The following ADARB2 variants were observed in gnomAD, a reference collection of about 807,000 sequenced individuals.
ADARB2 encodes inactive double-stranded RNA-specific editase B2.
A neutral mutation model predicts 62.2 loss-of-function variants in ADARB2; 25 were observed. That is an observed-to-expected ratio of 0.40 (90% CI 0.29 to 0.56). The LOEUF (loss-of-function observed/expected upper bound fraction) is 0.56, where lower values mean the gene tolerates loss of function less well. Ranked by LOEUF, ADARB2 falls within the 20% of genes least tolerant of loss-of-function variation. The pLI, the probability that ADARB2 is intolerant of heterozygous loss-of-function variation, is 0.43. For synonymous variants in ADARB2, 572 were observed against 500.8 expected, an observed-to-expected ratio of 1.14 and a Z score of -1.90; for missense variants, 1,071 against 1,077.4, an observed-to-expected ratio of 0.99 and a Z score of 0.08.
intron 1 of ADARB2, among the ~76,000 whole-genome samples, chr10:1,419,943 A>C (rs951239777): frequency 4.6e-5 from 7 of 152,214 alleles, no homozygotes; most frequent in Non-Finnish European, 7.3e-5. Flanking sequence ...TCCGAGTGTA[A>C]AATGTAGCAC....
intron 1 of ADARB2, among the ~76,000 whole-genome samples, chr10:1,450,201 C>A (rs891036865): frequency 1.3e-5 from 2 of 152,202 alleles, no homozygotes; most frequent in African/African-American, 4.8e-5. Flanking sequence ...CCCTGGTCCT[C>A]AGTTACAAGC....
At chr10:1,278,050 A>T (rs1589175323) in intron 3 of ADARB2, among the ~76,000 whole-genome samples, 1 of 151,286 alleles carries the variant, frequency 6.6e-6, no homozygotes, top group East Asian at 1.9e-4. Context: ...GCTCACTGCA[A>T]CCTCCGCCTC....
intron 1 of ADARB2, among the ~76,000 whole-genome samples, chr10:1,478,849 G>A (rs116371647): frequency 2.6e-5 from 4 of 151,498 alleles, no homozygotes; most frequent in Non-Finnish European, 5.9e-5. Flanking sequence ...AGGACCCTCC[G>A]ACAGGAGTGC....
In ADARB2 at chr10:1,265,623, C is replaced by G. The variant is rs1207216514; in HGVS notation, c.1192+5332G>C. 4.4e-3 allele frequency among the ~76,000 whole-genome samples: 400 copies of G among 90,264 alleles called. 1 individual carries two copies. The highest frequency in any genetic ancestry group is 6.0e-3 in the African/African-American group (119 of 19,714). 59.2% of individuals were successfully genotyped at this position (90,264 alleles called of 152,430 possible). A position where few individuals can be genotyped will look rare whatever the true frequency, so the allele number is the denominator to read the frequency against. On this transcript the variant is annotated intron_variant, in intron 4 of 9. Coordinates refer to ENST00000381312, the MANE Select transcript of ADARB2 (RefSeq NM_018702.4). ...AGACGGCCTGAGAGGGGGGCCCAGGCTCTCCCGGAAGACGGCCTGAGCCAG... is the reference window on the plus strand; with the variant it reads ...AGACGGCCTGAGAGGGGGGCCCAGGGTCTCCCGGAAGACGGCCTGAGCCAG...
chr10:1,417,609 C>G (rs1213218698), intron 1 of ADARB2, among the ~76,000 whole-genome samples: 1 of 152,228 alleles, frequency 6.6e-6, no homozygotes, highest in Non-Finnish European at 1.5e-5. Flanking sequence ...TTGCCTGACA[C>G]ATGGACAGGA....
chr10:1,651,512 C>T (rs531870470), intron 1 of ADARB2, among the ~76,000 whole-genome samples: 3 of 152,368 alleles, frequency 2.0e-5, no homozygotes, highest in South Asian at 4.1e-4. Flanking sequence ...TGCTTGTGCA[C>T]GCCTAGACAA....
intron 1 of ADARB2, among the ~76,000 whole-genome samples, chr10:1,640,423 G>T (rs531280827): frequency 2.0e-5 from 3 of 152,184 alleles, no homozygotes; most frequent in Non-Finnish European, 4.4e-5. Flanking sequence ...TTTAAAGCAG[G>T]TTAAAAGCAA....
At chr10:1,318,071 G>A (rs1490435519) in intron 3 of ADARB2, among the ~76,000 whole-genome samples, 1 of 152,220 alleles carries the variant, frequency 6.6e-6, no homozygotes, top group African/African-American at 2.4e-5. Context: ...TCATAAACCT[G>A]CATTCTGCAT....
intron 1 of ADARB2, among the ~76,000 whole-genome samples, chr10:1,730,356 C>T (rs1230416639): frequency 6.6e-6 from 1 of 152,176 alleles, no homozygotes; most frequent in Admixed American, 6.5e-5. Context: ...CTGGGTTTCT[C>T]TTTCTGATCC....
Position 1,327,000 on chromosome 10 carries a change from A to ACGGCCCAGCGC in ADARB2, c.1077+36027_1077+36028insGCGCTGGGCCG, listed in dbSNP as rs1589193091. Among the ~76,000 whole-genome samples the ACGGCCCAGCGC allele has an allele frequency of 1.1e-4, 3 of 26,882 alleles. 1 individual carries two copies. Among genetic ancestry groups the ACGGCCCAGCGC allele is most frequent in the Non-Finnish European group, 1.7e-4 (2 of 12,096 alleles). 17.6% of individuals were successfully genotyped at this position (26,882 alleles called of 152,430 possible). A position where few individuals can be genotyped will look rare whatever the true frequency, so the allele number is the denominator to read the frequency against. On this transcript the variant is annotated intron_variant, in intron 3 of 9. Coordinates refer to ENST00000381312, the MANE Select transcript of ADARB2 (RefSeq NM_018702.4). The stretch of plus-strand genomic sequence containing the variant: ...CCTCCCCACGGCCCAGCGCCTCCCC[A>ACGGCCCAGCGC]CTGCCCAGCGCCTCCCCACGGCACA...
At position 1,737,033 on chromosome 10, in the gene ADARB2, G is replaced by A; in HGVS notation, c.100+18C>T. On this transcript the variant is annotated intron_variant, in intron 1 of 9. Coordinates refer to ENST00000381312, the MANE Select transcript of ADARB2 (RefSeq NM_018702.4). ...GGGGTGAAGGGGGGCAGGGGCCGGCGCGCCACGCGGTCCTTACCTTTCCGC... is the reference window on the plus strand; with the variant it reads ...GGGGTGAAGGGGGGCAGGGGCCGGCACGCCACGCGGTCCTTACCTTTCCGC... 1 of 1,608,230 alleles carries A rather than the reference G, an allele frequency of 6.2e-7. No individual in the cohort carries two copies. The highest frequency in any genetic ancestry group is 1.1e-5 in the South Asian group (1 of 91,070).
intron 6 of ADARB2, among the ~76,000 whole-genome samples, chr10:1,227,220 A>C (rs994705024): frequency 3.3e-5 from 5 of 152,206 alleles, no homozygotes; most frequent in African/African-American, 1.2e-4. Context: ...TGTGGAATAT[A>C]ATCTCCTGGT....
At chr10:1,224,115 A>C (rs189473817) in intron 6 of ADARB2, among the ~76,000 whole-genome samples, 10 of 152,214 alleles carry the variant, frequency 6.6e-5, no homozygotes, top group Middle Eastern at 3.4e-3. Flanking sequence ...TGTTATTGGT[A>C]TATTCAGAGA....
chr10:1,664,142 A>G (rs1303984777), intron 1 of ADARB2, among the ~76,000 whole-genome samples: 2 of 146,704 alleles, frequency 1.4e-5, no homozygotes, highest in African/African-American at 2.6e-5. Context: ...GTTGGTCAGT[A>G]TGTGGGTTTC....
intron 1 of ADARB2, among the ~76,000 whole-genome samples, chr10:1,655,377 C>T (rs1429660284): frequency 6.6e-6 from 1 of 152,196 alleles, no homozygotes; most frequent in Non-Finnish European, 1.5e-5. Flanking sequence ...AAGGGAGAAA[C>T]CACCAGGTTC....
At chr10:1,601,515 G>T (rs1695592988) in intron 1 of ADARB2, among the ~76,000 whole-genome samples, 1 of 152,214 alleles carries the variant, frequency 6.6e-6, no homozygotes, top group South Asian at 2.1e-4. Context: ...ACCGATCTTA[G>T]CTATTGTGTC....
intron 7 of ADARB2, among the ~76,000 whole-genome samples, chr10:1,210,204 G>T (rs565642155): frequency 2.0e-5 from 3 of 152,192 alleles, no homozygotes; most frequent in Non-Finnish European, 4.4e-5. Flanking sequence ...CAAAGAGAAT[G>T]ACCTATTTGT....
chr10:1,284,522 T>A (rs1377104159), intron 3 of ADARB2, among the ~76,000 whole-genome samples: 1 of 152,312 alleles, frequency 6.6e-6, no homozygotes, highest in East Asian at 1.9e-4. Flanking sequence ...GGCTCTCGAT[T>A]GAGATCCCTG....
At chr10:1,234,661 G>A (rs1301064731) in intron 5 of ADARB2, among the ~76,000 whole-genome samples, 1 of 149,334 alleles carries the variant, frequency 6.7e-6, no homozygotes, top group Non-Finnish European at 1.5e-5. Context: ...CGAGTGGTCT[G>A]GAACTTCTGA....
Sources: gnomAD v4.1 joint callset for allele counts (sites outside exome capture counted in the v4.1 genomes callset) on GRCh38, gnomAD v4.1.1 for gene constraint, MANE v1.5 for transcripts, NCBI Gene and HGNC (gene_info 2026-07-23, HGNC 2026-07-21) for gene names.